HELZ2: variants seen among roughly 807,000 people sequenced by gnomAD.
The protein encoded by HELZ2 is 3'-5' exoribonuclease HELZ2.
In HELZ2, 143 loss-of-function variants were observed where a neutral mutation model predicts 208.8. The observed-to-expected ratio is 0.68, with a 90% CI of 0.60 to 0.79. The LOEUF (loss-of-function observed/expected upper bound fraction) is 0.79, where lower values mean the gene tolerates loss of function less well. HELZ2 is among the 30% of genes least tolerant of loss of function. The probability of loss-of-function intolerance (pLI) is 0.00; values close to 1 mark genes in which losing one functional copy is unlikely to be tolerated. For synonymous variants in HELZ2, 1,705 were observed against 1,693.7 expected, an observed-to-expected ratio of 1.01 and a Z score of -0.16; for missense variants, 3,690 against 3,794.5, an observed-to-expected ratio of 0.97 and a Z score of 0.72.
chr20:63,562,380 C>T lies in HELZ2; in HGVS notation c.6305G>A (p.Arg2102His), dbSNP rs370768380. ...TAGTCCACGCACGGCTTCCTCCTTGCGGCTGGGGGTGAAGGCAGACACTGG... is the reference window on the plus strand; with the variant it reads ...TAGTCCACGCACGGCTTCCTCCTTGTGGCTGGGGGTGAAGGCAGACACTGG... The change falls in exon 9 of 19, where the codon CGC becomes CAC. Residue 2102 changes from arginine (R) to histidine (H), a missense_variant and splice_region_variant. By Grantham distance (29) the Arg-to-His change is conservative. Coordinates refer to ENST00000467148, the Ensembl canonical transcript of HELZ2. 175 of 1,582,152 alleles carry T rather than the reference C, an allele frequency of 1.1e-4. No homozygotes were observed. Among genetic ancestry groups the T allele is most frequent in the Non-Finnish European group, 1.3e-4 (155 of 1,172,452 alleles).
chr20:63,563,909 A>T, exon 8 of HELZ2: 2 of 1,594,918 alleles, frequency 1.3e-6, no homozygotes, highest in Non-Finnish European at 1.7e-6. Context: ...GGCCTTGCGG[A>T]GGTCGCGGCC....
chr20:63,560,630 A>G, exon 16 of HELZ2: 2 of 1,610,776 alleles, frequency 1.2e-6, no homozygotes, highest in East Asian at 4.5e-5. Flanking sequence ...CGGCCTCCTC[A>G]GGCCCTGCCA....
chr20:63,569,422 C>T, exon 4 of HELZ2: 1 of 1,608,620 alleles, frequency 6.2e-7, no homozygotes, highest in Non-Finnish European at 8.5e-7. Context: ...CGCCCCTGGC[C>T]CAGCTGCAGC....
At position 63,566,826 on chromosome 20, in the gene HELZ2, C is replaced by T. The variant is rs146140387; in HGVS notation, c.2514+18G>A. 3.8e-6 allele frequency: 6 copies of T among 1,576,876 alleles called. No homozygotes were observed. Among genetic ancestry groups the T allele is most frequent in the East Asian group, 4.5e-5 (2 of 44,580 alleles). On this transcript the variant is annotated intron_variant, in intron 6 of 18. Transcript: ENST00000467148. ...GCAGGGGTGCGGTCGGGGGCTGTCC[C>T]GGGCTGGCCGGGCTCACCTGGGCAC...
Position 63,569,543 on chromosome 20 carries a change from G to A in HELZ2, c.693C>T (p.Ser231=), listed in dbSNP as rs199981500. ...GCACTCCCACCTGGAAGTCGGCAGT[G>A]GAGCTGGGCACACGGAAGCGCTCAC... Residue 231 remains serine, a synonymous_variant, in exon 4 of 19, where the codon TCC becomes TCT. Coordinates refer to ENST00000467148, the Ensembl canonical transcript of HELZ2. 6.8e-6 allele frequency: 11 copies of A among 1,606,170 alleles called. No homozygotes were observed. In the East Asian group the frequency reaches 2.5e-4, roughly 36 times the overall value.
upstream of HELZ2, chr20:63,572,687 C>T (rs1344960679): frequency 1.3e-5 from 5 of 380,016 alleles, no homozygotes; most frequent in South Asian, 6.2e-5. Context: ...GTCGGCCGCC[C>T]GGCCTGCCCC....
chr20:63,559,364 T>C (rs1374640030), exon 19 of HELZ2: 1 of 1,592,348 alleles, frequency 6.3e-7, no homozygotes, highest in Admixed American at 1.7e-5. Flanking sequence ...CAGAAGGAGG[T>C]GGTCTCCTGT....
intron 15 of HELZ2, 41 bp from the exon 17 acceptor site, chr20:63,560,738 G>T: frequency 6.2e-7 from 1 of 1,604,482 alleles, no homozygotes; most frequent in South Asian, 1.1e-5. Flanking sequence ...CTGCCACGCG[G>T]GGTTGTGGCC....
chr20:63,572,478 CG>C (rs2083025189), upstream of HELZ2: 22 of 1,337,408 alleles, frequency 1.6e-5, no homozygotes, highest in South Asian at 3.2e-4. Flanking sequence ...GGAGGCTGGC[CG>C]GCCCGGGGCC....
chr20:63,561,405 C>G (rs1351017240), exon 13 of HELZ2: 1 of 1,612,908 alleles, frequency 6.2e-7, no homozygotes, highest in East Asian at 2.2e-5. Flanking sequence ...GTGTCAAAGG[C>G]CTTGATTTCC....
chr20:63,570,455 C>A, intron 3 of HELZ2, 49 bp downstream of exon 4: 1 of 1,514,120 alleles, frequency 6.6e-7, no homozygotes, highest in Non-Finnish European at 9.1e-7. Flanking sequence ...GCTGAAGTCA[C>A]CACTTCCCCA....
exon 17 of HELZ2, chr20:63,560,203 C>A (rs868299622): frequency 2.6e-6 from 4 of 1,556,974 alleles, no homozygotes; most frequent in Non-Finnish European, 3.5e-6. Context: ...CACGGCCACC[C>A]CGGCGATGCC....
At chr20:63,569,709 C>A (rs1291871252) in intron 3 of HELZ2, 44 bp from the exon 5 acceptor site, 2 of 1,462,778 alleles carry the variant, frequency 1.4e-6, no homozygotes, top group Admixed American at 2.5e-5. Flanking sequence ...GGGCTCCCCC[C>A]AACCCTCCCG....
At chr20:63,565,914 C>T (rs373158580) in exon 8 of HELZ2, 9 of 1,597,908 alleles carry the variant, frequency 5.6e-6, no homozygotes, top group African/African-American at 4.0e-5. Context: ...TTCCCCGCTG[C>T]CCCAGCCTGT....
chr20:63,560,865 A>G (rs2082877940), exon 15 of HELZ2: 1 of 1,613,222 alleles, frequency 6.2e-7, no homozygotes, highest in East Asian at 2.2e-5. Flanking sequence ...GTCCAGACCC[A>G]GGTTTTGCAG....
At chr20:63,572,242 G>A in exon 1 of HELZ2, 1 of 1,596,008 alleles carries the variant, frequency 6.3e-7, no homozygotes, top group Non-Finnish European at 8.5e-7. Flanking sequence ...GAGAGTGGCA[G>A]GTGACCAAGC....
At chr20:63,572,317 A>G (rs1436953435) in exon 1 of HELZ2, 1 of 1,586,886 alleles carries the variant, frequency 6.3e-7, no homozygotes, top group South Asian at 1.1e-5. Flanking sequence ...CGTCGCCATC[A>G]GGGGCAGGGG....
At chr20:63,568,994 G>C (rs752210643) in exon 5 of HELZ2, 1 of 1,601,620 alleles carries the variant, frequency 6.2e-7, no homozygotes, top group Middle Eastern at 1.7e-4. Flanking sequence ...GCCCCGCAGG[G>C]TCAGCCTGGC....
At position 63,561,753 on chromosome 20, in the gene HELZ2, T is replaced by A; in HGVS notation, c.6692-8A>T. The A allele has an allele frequency of 6.3e-7, 1 of 1,585,904 alleles. No individual in the cohort carries two copies. The highest frequency in any genetic ancestry group is 2.3e-5 in the East Asian group (1 of 44,270). The stretch of plus-strand genomic sequence containing the variant: ...TCCTTCTCAGGAGCAGTCCTGAGGG[T>A]AGTTGGGGGACGTGAGTCCTGCCCC... On this transcript the variant is annotated splice_region_variant and splice_polypyrimidine_tract_variant and intron_variant, in intron 11 of 18. Coordinates refer to ENST00000467148, the Ensembl canonical transcript of HELZ2.
Sources: allele counts gnomAD v4.1 joint callset, GRCh38; gene constraint gnomAD v4.1.1; transcripts MANE v1.5; gene names NCBI Gene and HGNC (gene_info 2026-07-23, HGNC 2026-07-21).